Variants in PDE10A observed in about 807,000 individuals in gnomAD.
The protein encoded by PDE10A is cAMP and cAMP-inhibited cGMP 3',5'-cyclic phosphodiesterase 10A.
Under a neutral mutation model 97.7 loss-of-function variants are expected in PDE10A, and 39 were observed. The observed-to-expected ratio is 0.40, with a 90% CI of 0.31 to 0.52. The LOEUF is 0.52. Ranked by LOEUF, PDE10A falls within the 20% of genes least tolerant of loss-of-function variation. PDE10A has a pLI of 0.56. For missense variants in PDE10A, 731 were observed against 1,047.8 expected, an observed-to-expected ratio of 0.70 and a Z score of 4.17; for synonymous variants, 371 against 376.8, an observed-to-expected ratio of 0.98 and a Z score of 0.18.
At chr6:165,628,155 T>TG (rs1788471706) in intron 1 of PDE10A, among the ~76,000 whole-genome samples, 1 of 152,210 alleles carries the variant, frequency 6.6e-6, no homozygotes, top group Admixed American at 6.5e-5. Flanking sequence ...TCGGCTTGCC[T>TG]GGGTTTTGAA....
At chr6:165,577,082 A>G (rs1210178841) in intron 1 of PDE10A, among the ~76,000 whole-genome samples, 1 of 152,234 alleles carries the variant, frequency 6.6e-6, no homozygotes, top group Non-Finnish European at 1.5e-5. Flanking sequence ...GCAGATCCAA[A>G]GGGTGTGAGT....
In PDE10A at chr6:165,395,282, C is replaced by T. The variant is rs1583189349; in HGVS notation, c.2220-18G>A. ...AGTGGAATCTGAAATTTTAAAAGGG[C>T]AGTTTATCACTAAACGTGATTAGAA... On this transcript the variant is annotated intron_variant, in intron 14 of 21. Coordinates refer to ENST00000539869, the MANE Select transcript of PDE10A (RefSeq NM_001385079.1). The T allele has an allele frequency of 2.7e-6, 4 of 1,501,196 alleles. No homozygotes were observed. Among genetic ancestry groups the T allele is most frequent in the South Asian group, 1.1e-5 (1 of 88,742 alleles). The allele number at this position is 1,501,196 out of a possible 1,614,324, so 93.0% of individuals were successfully genotyped here.
chr6:165,419,188 A>G (rs1387297966), intron 10 of PDE10A, among the ~76,000 whole-genome samples: 1 of 152,210 alleles, frequency 6.6e-6, no homozygotes, highest in Non-Finnish European at 1.5e-5. Context: ...CTCTGTCAGC[A>G]CTACGACCAC....
At chr6:165,386,007 G>C (rs1421852047) in intron 17 of PDE10A, among the ~76,000 whole-genome samples, 1 of 152,116 alleles carries the variant, frequency 6.6e-6, no homozygotes, top group Middle Eastern at 3.2e-3. Context: ...TGAAATTCCA[G>C]CTCTAATATC....
intron 12 of PDE10A, among the ~76,000 whole-genome samples, chr6:165,414,958 ATATCTCC>A (rs1310947022): frequency 6.6e-6 from 1 of 152,130 alleles, no homozygotes; most frequent in Admixed American, 6.6e-5. Flanking sequence ...GATCAGTTGT[ATATCTCC>A]TTTTGTGGAC....
At chr6:165,982,621 A>G (rs1209014144) in intron 1 of PDE10A, among the ~76,000 whole-genome samples, 1 of 152,234 alleles carries the variant, frequency 6.6e-6, no homozygotes, top group Non-Finnish European at 1.5e-5. Context: ...CTAATAAGAT[A>G]TCTTGTGATT....
intron 1 of PDE10A, among the ~76,000 whole-genome samples, chr6:165,960,247 A>G (rs1018858010): frequency 2.0e-5 from 3 of 152,246 alleles, no homozygotes; most frequent in African/African-American, 4.8e-5. Context: ...GCTGAGTAGC[A>G]TACAAAGATC....
At chr6:165,620,971 A>C (rs1487903350) in intron 1 of PDE10A, among the ~76,000 whole-genome samples, 1 of 151,158 alleles carries the variant, frequency 6.6e-6, no homozygotes, top group Non-Finnish European at 1.5e-5. Context: ...CGGTGAGCCG[A>C]GATCCTGCCA....
chr6:165,379,002 A>T (rs181195248), intron 18 of PDE10A, among the ~76,000 whole-genome samples, 192 bp downstream of exon 18: 1 of 152,324 alleles, frequency 6.6e-6, no homozygotes, highest in Non-Finnish European at 1.5e-5. Context: ...CTCACTAGAC[A>T]TTGCCAGCAA....
intron 1 of PDE10A, among the ~76,000 whole-genome samples, chr6:165,558,275 T>A (rs1031478702): frequency 6.6e-6 from 1 of 152,212 alleles, no homozygotes; most frequent in South Asian, 2.1e-4. Context: ...TATGCAGCCA[T>A]AAAAGAGGAT....
At chr6:165,575,810 T>C (rs575242176) in intron 1 of PDE10A, among the ~76,000 whole-genome samples, 112 of 152,330 alleles carry the variant, frequency 7.4e-4, no homozygotes, top group African/African-American at 2.5e-3. Context: ...AAACCAACTT[T>C]CCAAATTGCT....
intron 18 of PDE10A, among the ~76,000 whole-genome samples, chr6:165,353,257 T>C (rs1416239391): frequency 1.3e-5 from 2 of 152,174 alleles, no homozygotes; most frequent in Non-Finnish European, 2.9e-5. Flanking sequence ...GGTACAGCCA[T>C]TGTGGAAAAG....
At chr6:165,374,240 A>T (rs550207026) in intron 18 of PDE10A, among the ~76,000 whole-genome samples, 3 of 151,942 alleles carry the variant, frequency 2.0e-5, no homozygotes, top group Non-Finnish European at 2.9e-5. Flanking sequence ...TAATAATAAT[A>T]AAAAAATTAA....
intron 1 of PDE10A, among the ~76,000 whole-genome samples, chr6:165,740,581 C>T (rs1004083821): frequency 1.3e-5 from 2 of 152,156 alleles, no homozygotes; most frequent in African/African-American, 2.4e-5. Flanking sequence ...GATCCACCTG[C>T]CTCACCCTCC....
In PDE10A at chr6:165,804,402, CGTTT is replaced by C. The variant is rs1203131800; in HGVS notation, c.-615+183123_-615+183126del. ...TCCACTTTCGAGCATTCGTTTGCTT[CGTTT>C]GTTTTGTTTTGTTTTGTTTTTGGCC... On this transcript the variant is annotated intron_variant, in intron 1 of 19. Coordinates refer to the PDE10A transcript ENST00000366882. 2.0e-5 allele frequency among the ~76,000 whole-genome samples: 3 copies of C among 152,218 alleles called. No homozygotes were observed. The East Asian group carries it at 5.8e-4, about 29-fold the overall frequency.
chr6:165,673,915 C>T (rs35511241), intron 1 of PDE10A, among the ~76,000 whole-genome samples: 69,995 of 152,016 alleles, frequency 0.46, 16,827 homozygotes, highest in East Asian at 0.74. Context: ...TTATCAGCCA[C>T]ATTATTAGTT....
chr6:165,369,193 C>T (rs929711651), intron 18 of PDE10A, among the ~76,000 whole-genome samples: 2 of 152,178 alleles, frequency 1.3e-5, no homozygotes, highest in Admixed American at 6.5e-5. Context: ...CAAAGGAACA[C>T]AGTTCCTCAC....
At chr6:165,450,085 G>A (rs1308379216) in intron 4 of PDE10A, among the ~76,000 whole-genome samples, 157 bp downstream of exon 4, 4 of 152,140 alleles carry the variant, frequency 2.6e-5, no homozygotes, top group Non-Finnish European at 5.9e-5. Flanking sequence ...ACTCACCTCT[G>A]GTAGTTTCAT....
At chr6:165,510,114 T>C (rs1028325034) in intron 2 of PDE10A, among the ~76,000 whole-genome samples, 52 of 152,220 alleles carry the variant, frequency 3.4e-4, no homozygotes, top group African/African-American at 1.2e-3. Flanking sequence ...AGTAGTATGT[T>C]GAATAGGAGT....
Sources: gnomAD v4.1 joint callset for allele counts (sites outside exome capture counted in the v4.1 genomes callset) on GRCh38, gnomAD v4.1.1 for gene constraint, MANE v1.5 for transcripts, NCBI Gene and HGNC (gene_info 2026-07-23, HGNC 2026-07-21) for gene names.